The following PRR5 variants were observed in gnomAD, a reference collection of about 807,000 sequenced individuals.
PRR5 encodes proline-rich protein 5.
PRR5 carries 25 observed loss-of-function variants against 30.6 expected under a neutral mutation model. That is an observed-to-expected ratio of 0.82 (90% CI 0.60 to 1.14). The LOEUF (loss-of-function observed/expected upper bound fraction) is 1.14. Ranked by LOEUF, PRR5 falls within the 50% of genes most tolerant of loss-of-function variation. The pLI, the probability that PRR5 is intolerant of heterozygous loss-of-function variation, is 0.00. For missense variants in PRR5, 600 were observed against 547.1 expected, an observed-to-expected ratio of 1.10 and a Z score of -0.96; for synonymous variants, 286 against 247.1, an observed-to-expected ratio of 1.16 and a Z score of -1.48.
At chr22:44,727,257 G>A (rs1425130670) in intron 4 of PRR5, among the ~76,000 whole-genome samples, 1 of 152,136 alleles carries the variant, frequency 6.6e-6, no homozygotes, top group Non-Finnish European at 1.5e-5. Flanking sequence ...CACTGTGCAG[G>A]TTGGGCTTCC....
At chr22:44,687,898 C>T (rs1337417118) in intron 1 of PRR5, among the ~76,000 whole-genome samples, 1 of 152,024 alleles carries the variant, frequency 6.6e-6, no homozygotes, top group East Asian at 2.0e-4. Context: ...TCTCAGCCCC[C>T]CGAGTAGCTG....
Position 44,726,647 on chromosome 22 carries a change from C to T in PRR5, c.322+13C>T, listed in dbSNP as rs769367603. ...CGCTTCTATGAGGGTGAGTGTGGGC[C>T]CCTTGGCGGCCACTCTGGGCCATGC... On this transcript the variant is annotated intron_variant, in intron 4 of 7. Transcript: ENST00000336985. The T allele has an allele frequency of 2.5e-6, 4 of 1,613,868 alleles. No individual in the cohort carries two copies. The highest frequency in any genetic ancestry group is 8.5e-7 in the Non-Finnish European group (1 of 1,180,038).
In PRR5 at chr22:44,706,700, G is replaced by C. The variant is rs553601475; in HGVS notation, c.134+4092G>C. Among the ~76,000 whole-genome samples the C allele has an allele frequency of 1.4e-3, 216 of 150,232 alleles. 1 individual carries two copies. Among genetic ancestry groups the C allele is most frequent in the African/African-American group, 5.2e-3 (212 of 40,830 alleles). On this transcript the variant is annotated intron_variant, in intron 1 of 7. Coordinates refer to ENST00000336985, the MANE Select transcript of PRR5 (RefSeq NM_181333.4). ...ATCACACCGGCTAATTTTTTTTTTT[G>C]TATTTTTGGTGGAGATAGGGTTTCG...
intron 2 of PRR5, among the ~76,000 whole-genome samples, chr22:44,720,992 G>A (rs932968974): frequency 3.9e-5 from 6 of 152,160 alleles, no homozygotes; most frequent in Admixed American, 3.9e-4. Flanking sequence ...GCATTCATTT[G>A]TTCACTTATT....
At chr22:44,711,694 G>C (rs1339130059) in intron 1 of PRR5, among the ~76,000 whole-genome samples, 1 of 152,186 alleles carries the variant, frequency 6.6e-6, no homozygotes, top group South Asian at 2.1e-4. Context: ...ACCGTCCGCT[G>C]TAAGGGAGGC....
chr22:44,685,925 C>G (rs2146955968), intron 1 of PRR5, among the ~76,000 whole-genome samples: 1 of 152,352 alleles, frequency 6.6e-6, no homozygotes, highest in African/African-American at 2.4e-5. Flanking sequence ...TCCTTTCTCC[C>G]TGGGGGAGCA....
intron 1 of PRR5, among the ~76,000 whole-genome samples, chr22:44,671,201 G>C (rs538190828): frequency 2.0e-5 from 3 of 152,280 alleles, no homozygotes; most frequent in South Asian, 2.1e-4. Flanking sequence ...AAGCCCAGAG[G>C]GGGGCCGCAG....
At chr22:44,689,790 A>G (rs886782377) in intron 1 of PRR5, among the ~76,000 whole-genome samples, 2 of 152,186 alleles carry the variant, frequency 1.3e-5, no homozygotes, top group Non-Finnish European at 2.9e-5. Flanking sequence ...CTGGGACTAC[A>G]GGCGCCCGCC....
intron 4 of PRR5, chr22:44,729,614 T>C (rs974610889): frequency 1.5e-5 from 15 of 985,318 alleles, no homozygotes; most frequent in Non-Finnish European, 1.8e-5. Flanking sequence ...TGGAGGAACT[T>C]CCTGGGGTCG....
At chr22:44,713,263 C>T (rs1364010084) in intron 1 of PRR5, among the ~76,000 whole-genome samples, 1 of 152,150 alleles carries the variant, frequency 6.6e-6, no homozygotes, top group East Asian at 1.9e-4. Context: ...CATCCGAGGT[C>T]CAGGCAAGCC....
rs200344931 is a variant in PRR5, at chr22:44,737,348, C to T, written c.*101C>T. 2.0e-5 allele frequency: 29 copies of T among 1,466,898 alleles called. No individual in the cohort carries two copies. The South Asian group carries it at 2.2e-4, about 11-fold the overall frequency. The allele number at this position is 1,466,898 out of a possible 1,614,324, so 90.9% of individuals were successfully genotyped here. A position where few individuals can be genotyped will look rare whatever the true frequency, so the allele number is the denominator to read the frequency against. Reference sequence around the variant, plus strand: ...GAGACTTTTTTACTGCGTCCCGTCCCGCCAGCCCTATCGGCCTCGTCACTG... The same window carrying T: ...GAGACTTTTTTACTGCGTCCCGTCCTGCCAGCCCTATCGGCCTCGTCACTG... On this transcript the variant is annotated 3_prime_UTR_variant, in exon 8 of 8. Transcript: ENST00000336985.
chr22:44,694,142 C>T (rs1208464720), intron 1 of PRR5, among the ~76,000 whole-genome samples: 4 of 152,190 alleles, frequency 2.6e-5, no homozygotes, highest in African/African-American at 7.2e-5. Flanking sequence ...AGGGCCAGCA[C>T]GTCATTGTCA....
At chr22:44,736,540 C>T (rs1426134406) in intron 7 of PRR5, among the ~76,000 whole-genome samples, 3 of 152,354 alleles carry the variant, frequency 2.0e-5, no homozygotes, top group South Asian at 2.1e-4. Context: ...CAAACCCAGG[C>T]ATTTGACTTG....
chr22:44,694,545 C>G (rs1435517167), intron 1 of PRR5, among the ~76,000 whole-genome samples: 2 of 151,912 alleles, frequency 1.3e-5, no homozygotes, highest in African/African-American at 4.8e-5. Flanking sequence ...CACGGACACT[C>G]TGTTCTGGGT....
rs1920956121 is a variant in PRR5, at chr22:44,726,600, G to A, written c.288G>A (p.Met96Ile). 6.2e-7 allele frequency: 1 copy of A among 1,614,146 alleles called. No homozygotes were observed. Among genetic ancestry groups the A allele is most frequent in the South Asian group, 1.1e-5 (1 of 91,084 alleles). ...YLQNQLLTKG[M>I]VILRDKIRFY... ...AGAACCAGCTGCTGACAAAAGGCAT[G>A]GTGATCCTTCGGGACAAGATTCGCT... Residue 96 changes from methionine (M) to isoleucine (I), a missense_variant, in exon 4 of 8, where the codon ATG becomes ATA. By Grantham distance (10) the Met-to-Ile change is conservative. Transcript: ENST00000336985.
chr22:44,718,646 C>T (rs1261656765), intron 2 of PRR5, among the ~76,000 whole-genome samples: 1 of 152,100 alleles, frequency 6.6e-6, no homozygotes. Flanking sequence ...CAGGAGAGTT[C>T]AGTTTGTCCA....
At chr22:44,732,510 A>G in intron 6 of PRR5, 119 bp downstream of exon 6, 1 of 1,412,388 alleles carries the variant, frequency 7.1e-7, no homozygotes, top group Non-Finnish European at 9.5e-7. Flanking sequence ...GAAGGGCCCG[A>G]TCAGAGGAGA....
At chr22:44,729,202 G>A (rs542287293) in intron 4 of PRR5, 3 of 753,754 alleles carry the variant, frequency 4.0e-6, no homozygotes, top group South Asian at 1.2e-4. Context: ...GGCCGTCCCC[G>A]CGCCAGACAC....
At chr22:44,724,548 C>A (rs952046307) in intron 2 of PRR5, among the ~76,000 whole-genome samples, 1 of 152,212 alleles carries the variant, frequency 6.6e-6, no homozygotes, top group African/African-American at 2.4e-5. Context: ...TCAGCGCTGA[C>A]AGTGCCTGTG....
Sources: gnomAD v4.1 joint callset for allele counts (sites outside exome capture counted in the v4.1 genomes callset) on GRCh38, gnomAD v4.1.1 for gene constraint, MANE v1.5 for transcripts, NCBI Gene and HGNC (gene_info 2026-07-23, HGNC 2026-07-21) for gene names.